The following SVIL variants were observed in gnomAD, a reference collection of about 807,000 sequenced individuals.
The protein encoded by SVIL is archvillin.
Under a neutral mutation model 240.4 loss-of-function variants are expected in SVIL, and 101 were observed. The ratio of observed to expected loss-of-function variants is 0.42; its 90% confidence interval spans 0.36 to 0.50. The LOEUF (loss-of-function observed/expected upper bound fraction) is 0.50, where lower values mean the gene tolerates loss of function less well. SVIL is among the 20% of genes least tolerant of loss of function. The pLI is 0.01. For missense variants in SVIL, 2,512 were observed against 2,818.7 expected, an observed-to-expected ratio of 0.89 and a Z score of 2.46; for synonymous variants, 999 against 1,100.0, an observed-to-expected ratio of 0.91 and a Z score of 1.82.
chr10:29,581,858 C>T (rs1955959374), intron 1 of SVIL, among the ~76,000 whole-genome samples: 1 of 152,190 alleles, frequency 6.6e-6, no homozygotes, highest in Non-Finnish European at 1.5e-5. Context: ...ACTGAATATA[C>T]ATATGATGGA....
chr10:29,562,458 G>A (rs1954574451), intron 3 of SVIL, among the ~76,000 whole-genome samples: 1 of 152,204 alleles, frequency 6.6e-6, no homozygotes, highest in Non-Finnish European at 1.5e-5. Context: ...GAAGCTACAA[G>A]ATGTTAAATG....
intron 26 of SVIL, among the ~76,000 whole-genome samples, chr10:29,485,737 T>C (rs1437637801): frequency 6.6e-6 from 1 of 152,240 alleles, no homozygotes; most frequent in Non-Finnish European, 1.5e-5. Flanking sequence ...AAATTATATA[T>C]GCATGCATCT....
At chr10:29,621,834 G>T (rs879910626) in intron 1 of SVIL, among the ~76,000 whole-genome samples, 65 of 148,568 alleles carry the variant, frequency 4.4e-4, no homozygotes, top group South Asian at 1.3e-3. Flanking sequence ...ATATGCGCAC[G>T]CACACACACA....
At chr10:29,463,671 C>T in intron 34 of SVIL, 36 bp from the exon 35 acceptor site, 5 of 1,606,436 alleles carry the variant, frequency 3.1e-6, no homozygotes, top group Non-Finnish European at 4.3e-6. Flanking sequence ...CCATCAGGAG[C>T]TCCTTCACGG....
rs1050226727 is a variant in SVIL, at chr10:29,598,244, T to C, written c.-200-28932A>G. Among the ~76,000 whole-genome samples the C allele has an allele frequency of 6.6e-5, 10 of 152,228 alleles. No homozygotes were observed. In the East Asian group the frequency reaches 1.4e-3, roughly 21 times the overall value. On this transcript the variant is annotated intron_variant, in intron 1 of 37. Transcript: ENST00000355867. ...GGGGGAATGGGAAGTTTAATACGTA[T>C]AGAGTTTCAGTTTTCCAAGATGAGA...
rs1953250740 is a variant in SVIL, at chr10:29,550,832, C to T, written c.592G>A (p.Val198Met). 1 of 1,614,002 alleles carries T rather than the reference C, an allele frequency of 6.2e-7. No individual in the cohort carries two copies. Among genetic ancestry groups the T allele is most frequent in the South Asian group, 1.1e-5 (1 of 91,076 alleles). Residue 198 changes from valine (V) to methionine (M), a missense_variant, in exon 6 of 38, where the codon GTG (valine) becomes ATG (methionine). Around this residue, in one of 3 missense-constraint regions of SVIL, gnomAD observed 1,443 missense variants for 1,486.6 expected, o/e 0.97. Coordinates refer to ENST00000355867, the MANE Select transcript of SVIL (RefSeq NM_021738.3). ...CTTTGGTTTTCTATGTTCAGCAGCA[C>T]CTCCGGGTCGGAAGAGCCGTCACCC... ...HVGDGSSDPE[V>M]LLNIENQRRG...
At chr10:29,641,643 T>C (rs1227299323) in intron 3 of SVIL, among the ~76,000 whole-genome samples, 6 of 152,196 alleles carry the variant, frequency 3.9e-5, no homozygotes, top group East Asian at 1.9e-4. Flanking sequence ...CTTAGAATCA[T>C]TGTCACTCTC....
At chr10:29,588,604 C>T (rs574382585) in intron 1 of SVIL, among the ~76,000 whole-genome samples, 1 of 152,214 alleles carries the variant, frequency 6.6e-6, no homozygotes, top group East Asian at 1.9e-4. Flanking sequence ...CCAAAATAGT[C>T]CCTAGGAAAT....
Position 29,550,834 on chromosome 10 carries a change from T to C in SVIL, c.590A>G (p.Glu197Gly). 1 of 1,614,062 alleles carries C rather than the reference T, an allele frequency of 6.2e-7. No individual in the cohort carries two copies. The highest frequency in any genetic ancestry group is 8.5e-7 in the Non-Finnish European group (1 of 1,180,018). The stretch of plus-strand genomic sequence containing the variant: ...TTGGTTTTCTATGTTCAGCAGCACC[T>C]CCGGGTCGGAAGAGCCGTCACCCAC... Reference protein sequence around the residue: ...LHVGDGSSDPEVLLNIENQRR... With the variant: ...LHVGDGSSDPGVLLNIENQRR... The change falls in exon 6 of 38, where the codon GAG (glutamate) becomes GGG (glycine). Residue 197 changes from glutamate (E) to glycine (G), a missense_variant. Glu to Gly is a moderately conservative substitution (Grantham distance 98). Coordinates refer to ENST00000355867, the MANE Select transcript of SVIL (RefSeq NM_021738.3).
At chr10:29,501,793 C>G (rs1948919310) in intron 17 of SVIL, among the ~76,000 whole-genome samples, 1 of 152,024 alleles carries the variant, frequency 6.6e-6, no homozygotes, top group Non-Finnish European at 1.5e-5. Context: ...TTAATCAAAC[C>G]AAGATGGCGC....
chr10:29,603,235 C>A (rs1030903316), intron 1 of SVIL, among the ~76,000 whole-genome samples: 6 of 151,590 alleles, frequency 4.0e-5, no homozygotes, highest in African/African-American at 1.5e-4. Flanking sequence ...CTGCCCTCCC[C>A]CCTCATCCTC....
chr10:29,572,160 A>G (rs1277228702), intron 1 of SVIL, among the ~76,000 whole-genome samples: 8 of 152,210 alleles, frequency 5.3e-5, no homozygotes, highest in African/African-American at 1.9e-4. Context: ...TAAGGTGAAA[A>G]TGAAGAATTA....
chr10:29,529,588 C>T, intron 12 of SVIL, 117 bp downstream of exon 12: 2 of 1,257,752 alleles, frequency 1.6e-6, no homozygotes, highest in Non-Finnish European at 2.1e-6. Flanking sequence ...ACTAACTTCT[C>T]TGTGGCTTCT....
At chr10:29,594,628 C>T (rs1956514525) in intron 1 of SVIL, among the ~76,000 whole-genome samples, 1 of 150,780 alleles carries the variant, frequency 6.6e-6, no homozygotes, top group South Asian at 2.1e-4. Flanking sequence ...GCAGTCTGGG[C>T]TCATCGCAAT....
At chr10:29,509,929 G>A (rs1564542523) in intron 17 of SVIL, among the ~76,000 whole-genome samples, 1 of 152,178 alleles carries the variant, frequency 6.6e-6, no homozygotes, top group African/African-American at 2.4e-5. Flanking sequence ...TTGAGACAGG[G>A]TCTTGCTTTG....
At chr10:29,574,529 A>G (rs1380051400) in intron 1 of SVIL, among the ~76,000 whole-genome samples, 1 of 152,162 alleles carries the variant, frequency 6.6e-6, no homozygotes, top group African/African-American at 2.4e-5. Context: ...GGACCCTGGT[A>G]AGACTGGAGA....
chr10:29,649,224 T>G (rs1958762257), intron 3 of SVIL, among the ~76,000 whole-genome samples: 1 of 152,126 alleles, frequency 6.6e-6, no homozygotes, highest in Admixed American at 6.6e-5. Context: ...TATTCTACCT[T>G]CTAATCACAT....
At chr10:29,632,418 G>A (rs1247447) in intron 1 of SVIL, among the ~76,000 whole-genome samples, 18,732 of 151,542 alleles carry the variant, frequency 0.12, 1,380 homozygotes, top group African/African-American at 0.18. Flanking sequence ...TTCAGCCCAA[G>A]AGGTGGAGGT....
chr10:29,689,356 C>T (rs1324920614), intron 1 of SVIL, among the ~76,000 whole-genome samples: 1 of 152,144 alleles, frequency 6.6e-6, no homozygotes, highest in African/African-American at 2.4e-5. Context: ...GCGATCTCAG[C>T]TCTCTGCAAC....
Sources: allele counts gnomAD v4.1 joint callset (sites outside exome capture counted in the v4.1 genomes callset), GRCh38; gene constraint gnomAD v4.1.1; regional missense constraint gnomAD v4.1.1; transcripts MANE v1.5; gene names NCBI Gene and HGNC (gene_info 2026-07-23, HGNC 2026-07-21).